CDC42BPA: variants seen among roughly 807,000 people sequenced by gnomAD.
CDC42BPA encodes the protein serine/threonine-protein kinase MRCK alpha.
In CDC42BPA, 80 loss-of-function variants were observed where a neutral mutation model predicts 223.5. That is an observed-to-expected ratio of 0.36 (90% CI 0.30 to 0.43). The LOEUF is 0.43. CDC42BPA is among the 20% of genes least tolerant of loss of function. The pLI is 1.00. For missense variants in CDC42BPA, 1,743 were observed against 2,099.9 expected (o/e 0.83, Z 3.32); for synonymous variants, 694 against 718.6 (o/e 0.97, Z 0.55).
chr1:227,108,830 AT>A (rs1185214262), intron 14 of CDC42BPA, among the ~76,000 whole-genome samples: 1 of 152,124 alleles, frequency 6.6e-6, no homozygotes, highest in African/African-American at 2.4e-5. Context: ...TTGTGTGAAC[AT>A]AAGTTGTACT....
intron 2 of CDC42BPA, among the ~76,000 whole-genome samples, chr1:227,248,646 C>T (rs1681423129): frequency 6.6e-6 from 1 of 151,664 alleles, no homozygotes; most frequent in African/African-American, 2.4e-5. Flanking sequence ...TTTATTTGTC[C>T]CCTACAAAAA....
intron 10 of CDC42BPA, among the ~76,000 whole-genome samples, chr1:227,130,560 C>T (rs1656870658): frequency 6.6e-6 from 1 of 152,016 alleles, no homozygotes; most frequent in African/African-American, 2.4e-5. Flanking sequence ...TAAAAATACC[C>T]AATGCAGGGG....
intron 3 of CDC42BPA, among the ~76,000 whole-genome samples, chr1:227,205,644 A>G (rs932359096): frequency 1.3e-5 from 2 of 152,166 alleles, no homozygotes; most frequent in Admixed American, 6.5e-5. Flanking sequence ...AAAACTAATA[A>G]AACAATAGGC....
intron 21 of CDC42BPA, among the ~76,000 whole-genome samples, chr1:227,064,837 C>T (rs1676649756): frequency 6.6e-6 from 1 of 152,132 alleles, no homozygotes; most frequent in Non-Finnish European, 1.5e-5. Context: ...GTGGCTCATG[C>T]CTGTAATCCC....
chr1:227,041,596 T>A (rs183519910), intron 23 of CDC42BPA, among the ~76,000 whole-genome samples: 1 of 152,286 alleles, frequency 6.6e-6, no homozygotes, highest in Non-Finnish European at 1.5e-5. Context: ...ATATGATTTG[T>A]ACACTACAAA....
chr1:227,111,423 A>G (rs901567260), intron 14 of CDC42BPA, among the ~76,000 whole-genome samples: 2 of 152,230 alleles, frequency 1.3e-5, no homozygotes, highest in South Asian at 2.1e-4. Context: ...TTACAAATGT[A>G]TGTATGTACT....
intron 3 of CDC42BPA, among the ~76,000 whole-genome samples, chr1:227,202,624 A>T (rs952034114): frequency 2.0e-5 from 3 of 152,102 alleles, no homozygotes; most frequent in Non-Finnish European, 2.9e-5. Context: ...ATTATTTTTT[A>T]AAAATAAAAA....
At chr1:227,257,520 C>T (rs989091963) in intron 1 of CDC42BPA, among the ~76,000 whole-genome samples, 4 of 150,846 alleles carry the variant, frequency 2.7e-5, no homozygotes, top group Non-Finnish European at 5.9e-5. Context: ...GAAGCCAAGG[C>T]GGGTGAATCA....
chr1:227,256,167 C>T (rs113419565), intron 1 of CDC42BPA, among the ~76,000 whole-genome samples: 22,802 of 152,048 alleles, frequency 0.15, 2,074 homozygotes, highest in African/African-American at 0.24. Context: ...ATGTCCTTTG[C>T]AGGGACATGG....
chr1:227,195,224 T>A (rs1233916525), intron 4 of CDC42BPA, among the ~76,000 whole-genome samples: 2 of 152,186 alleles, frequency 1.3e-5, no homozygotes, highest in Non-Finnish European at 2.9e-5. Flanking sequence ...AGACAGAGTC[T>A]TGCTCTGTCG....
At chr1:227,003,172 T>G (rs1305783178) in intron 35 of CDC42BPA, among the ~76,000 whole-genome samples, 2 of 152,186 alleles carry the variant, frequency 1.3e-5, no homozygotes, top group African/African-American at 4.8e-5. Flanking sequence ...TCAGAAGACT[T>G]GAATTCAAAA....
chr1:227,119,939 TA>T lies in CDC42BPA; in HGVS notation c.1514-3del. Reference sequence around the variant, plus strand: ...GTTGCTGTTCCAAATGACTTGATTCTAAAAACAAAAGACAATGTTTCTTTTA... The same window carrying T: ...GTTGCTGTTCCAAATGACTTGATTCTAAAACAAAAGACAATGTTTCTTTTA... On this transcript the variant is annotated splice_region_variant and splice_polypyrimidine_tract_variant and intron_variant, in intron 11 of 36. Coordinates refer to ENST00000366766, the MANE Select transcript of CDC42BPA (RefSeq NM_001394014.1). The T allele has an allele frequency of 6.3e-7, 1 of 1,579,006 alleles. No individual in the cohort carries two copies.
At chr1:227,039,140 G>C (rs1164761653) in intron 24 of CDC42BPA, among the ~76,000 whole-genome samples, 2 of 150,658 alleles carry the variant, frequency 1.3e-5, no homozygotes, top group Non-Finnish European at 2.9e-5. Context: ...GGTTCCTTCT[G>C]ACTTTTTTGT....
intron 11 of CDC42BPA, among the ~76,000 whole-genome samples, chr1:227,128,148 A>ATC (rs1476241360): frequency 1.3e-5 from 2 of 152,126 alleles, no homozygotes; most frequent in Admixed American, 1.3e-4. Context: ...TGCTCTAGCC[A>ATC]TCCAGTACTC....
At chr1:227,108,409 G>GTT (rs79626494) in intron 14 of CDC42BPA, among the ~76,000 whole-genome samples, 14,445 of 149,484 alleles carry the variant, frequency 0.097, 847 homozygotes, top group Middle Eastern at 0.15. Flanking sequence ...AGCATTCCAG[G>GTT]TTTTTTTTTT....
At chr1:227,192,820 C>A (rs1669938481) in intron 5 of CDC42BPA, among the ~76,000 whole-genome samples, 1 of 151,968 alleles carries the variant, frequency 6.6e-6, no homozygotes, top group Admixed American at 6.6e-5. Flanking sequence ...AAAAAAATCT[C>A]TTTTGACACA....
At chr1:227,087,774 T>C (rs567740557) in intron 16 of CDC42BPA, among the ~76,000 whole-genome samples, 6 of 152,338 alleles carry the variant, frequency 3.9e-5, no homozygotes, top group Non-Finnish European at 2.9e-5. Context: ...TTTTTGACAA[T>C]TGCATTTGCT....
chr1:227,089,417 GAAGA>G (rs1682622380), intron 16 of CDC42BPA, among the ~76,000 whole-genome samples: 1 of 152,202 alleles, frequency 6.6e-6, no homozygotes, highest in African/African-American at 2.4e-5. Flanking sequence ...TGAGAATTAG[GAAGA>G]GAGAGATGCA....
intron 12 of CDC42BPA, among the ~76,000 whole-genome samples, chr1:227,114,186 C>T (rs1252054252): frequency 6.6e-6 from 1 of 151,618 alleles, no homozygotes. Flanking sequence ...AATAAAAGAC[C>T]GTAAAGAAAT....
Sources: gnomAD v4.1 joint callset for allele counts (sites outside exome capture counted in the v4.1 genomes callset) on GRCh38, gnomAD v4.1.1 for gene constraint, MANE v1.5 for transcripts, NCBI Gene and HGNC (gene_info 2026-07-23, HGNC 2026-07-21) for gene names.